The following SIPA1L1 variants were observed in gnomAD, a reference collection of about 807,000 sequenced individuals.
SIPA1L1 encodes signal-induced proliferation-associated 1-like protein 1.
A neutral mutation model predicts 162.7 loss-of-function variants in SIPA1L1; 26 were observed. The ratio of observed to expected loss-of-function variants is 0.16; its 90% CI spans 0.12 to 0.22. The LOEUF (loss-of-function observed/expected upper bound fraction) is 0.22. SIPA1L1 is among the 10% of genes least tolerant of loss of function. The probability of loss-of-function intolerance (pLI) is 1.00; values close to 1 mark genes in which losing one functional copy is unlikely to be tolerated. For synonymous variants in SIPA1L1, 829 were observed against 837.4 expected (o/e 0.99, Z 0.17); for missense variants, 1,874 against 2,241.0 (o/e 0.84, Z 3.31).
chr14:71,446,995 T>C (rs2045452711), intron 2 of SIPA1L1, among the ~76,000 whole-genome samples: 1 of 135,032 alleles, frequency 7.4e-6, no homozygotes. Flanking sequence ...CACTGCAACC[T>C]TGACCTCCCA....
At chr14:71,488,636 T>A (rs975742325) in intron 2 of SIPA1L1, among the ~76,000 whole-genome samples, 1 of 152,256 alleles carries the variant, frequency 6.6e-6, no homozygotes, top group African/African-American at 2.4e-5. Flanking sequence ...GGTTTTCCTT[T>A]ATTTTCCTGT....
rs1477114286 is a variant in SIPA1L1 at position 71,587,618 on chromosome 14, C to T, written c.-255C>T. ...CCACAGAATCTCAGTAGTACAAGTT[C>T]CATTCAGTTTTTTCTGAAAGAAAGC... On this transcript the variant is annotated 5_prime_UTR_variant, in exon 5 of 24. Transcript: ENST00000381232. The T allele has an allele frequency of 4.3e-6, 2 of 463,460 alleles. No individual in the cohort carries two copies. The highest frequency in any genetic ancestry group is 3.1e-5 in the East Asian group (1 of 32,112). 28.7% of individuals were successfully genotyped at this position (463,460 alleles called of 1,614,324 possible).
At chr14:71,718,667 T>C (rs1021232475) in intron 17 of SIPA1L1, among the ~76,000 whole-genome samples, 1 of 152,232 alleles carries the variant, frequency 6.6e-6, no homozygotes, top group Middle Eastern at 3.4e-3. Context: ...AAAACAAAAA[T>C]TAAGAAAATA....
At chr14:71,447,799 G>C (rs2045524224) in intron 2 of SIPA1L1, among the ~76,000 whole-genome samples, 1 of 151,932 alleles carries the variant, frequency 6.6e-6, no homozygotes, top group Non-Finnish European at 1.5e-5. Flanking sequence ...GAACTCCTGA[G>C]CTCTGGCAAT....
intron 10 of SIPA1L1, 54 bp from the exon 11 acceptor site, chr14:71,671,065 A>T (rs1048313392): frequency 1.6e-5 from 22 of 1,356,898 alleles, no homozygotes; most frequent in Non-Finnish European, 1.9e-5. Flanking sequence ...TTTTATTCTG[A>T]TGTTGTGAGA....
At chr14:71,650,563 T>C (rs2042534580) in intron 8 of SIPA1L1, 54 bp downstream of exon 8, 3 of 1,524,772 alleles carry the variant, frequency 2.0e-6, no homozygotes, top group South Asian at 1.1e-5. Context: ...GTTGTGCTGT[T>C]GTGCATCTGC....
chr14:71,701,890 AAAGCAAGTACTCAGAAAATACTTGTTCC>A (rs1413517864), intron 14 of SIPA1L1, among the ~76,000 whole-genome samples: 3 of 152,344 alleles, frequency 2.0e-5, no homozygotes, highest in African/African-American at 7.2e-5. Context: ...TTCAGACCAC[AAAGCAAGTACTCAGAAAATACTTGTTCC>A]AAGAACCACT....
Position 71,736,717 on chromosome 14 carries a change from G to A in SIPA1L1, c.5123+1326G>A, listed in dbSNP as rs76481942. Among the ~76,000 whole-genome samples, 414 of 152,280 alleles carry A rather than the reference G, an allele frequency of 2.7e-3. 2 individuals are homozygous for A. Among genetic ancestry groups the A allele is most frequent in the African/African-American group, 9.5e-3 (393 of 41,568 alleles). On this transcript the variant is annotated intron_variant, in intron 22 of 23. Coordinates refer to ENST00000381232, the MANE Select transcript of SIPA1L1 (RefSeq NM_001386936.1). Reference sequence around the variant, plus strand: ...CAGAAGCAAGCCCCAAATGTGCCTCGTTAGGAAGGAGCCTCCAACAGAGAG... The same window carrying A: ...CAGAAGCAAGCCCCAAATGTGCCTCATTAGGAAGGAGCCTCCAACAGAGAG...
intron 4 of SIPA1L1, chr14:71,573,534 C>T (rs1385028470): frequency 2.6e-5 from 12 of 456,490 alleles, no homozygotes; most frequent in Non-Finnish European, 4.8e-5. Context: ...TGGATGTCTA[C>T]AGCTGCACAA....
At chr14:71,699,859 A>T (rs1452337738) in intron 14 of SIPA1L1, among the ~76,000 whole-genome samples, 1 of 152,264 alleles carries the variant, frequency 6.6e-6, no homozygotes, top group African/African-American at 2.4e-5. Context: ...CATGAGGCAG[A>T]GTCCTTGATC....
At chr14:71,393,673 C>G (rs1277073072) in intron 2 of SIPA1L1, among the ~76,000 whole-genome samples, 1 of 152,064 alleles carries the variant, frequency 6.6e-6, no homozygotes, top group Non-Finnish European at 1.5e-5. Flanking sequence ...AAAAAAACTT[C>G]AGCTGGGATT....
chr14:71,357,101 G>A (rs1424017090), intron 2 of SIPA1L1, among the ~76,000 whole-genome samples: 1 of 151,998 alleles, frequency 6.6e-6, no homozygotes, highest in Admixed American at 6.6e-5. Flanking sequence ...GTCTCCTAGG[G>A]GGAAGTGCAG....
chr14:71,438,053 C>T (rs777035268), intron 2 of SIPA1L1, among the ~76,000 whole-genome samples: 104 of 152,256 alleles, frequency 6.8e-4, no homozygotes, highest in Middle Eastern at 3.4e-3. Context: ...CCATTAAATT[C>T]TGTTAAAGAA....
chr14:71,674,008 C>G (rs574332097), intron 12 of SIPA1L1, among the ~76,000 whole-genome samples: 4 of 152,202 alleles, frequency 2.6e-5, no homozygotes, highest in Non-Finnish European at 5.9e-5. Context: ...TGCTGCATTC[C>G]TTGTCTTGTC....
chr14:71,567,328 T>C (rs915890761), intron 4 of SIPA1L1, among the ~76,000 whole-genome samples: 1 of 152,212 alleles, frequency 6.6e-6, no homozygotes, highest in Admixed American at 6.5e-5. Flanking sequence ...TCATTGTTTT[T>C]AATAGCAAAA....
intron 4 of SIPA1L1, among the ~76,000 whole-genome samples, chr14:71,583,978 T>A (rs567795920): frequency 1.3e-5 from 2 of 152,206 alleles, no homozygotes; most frequent in African/African-American, 4.8e-5. Context: ...AACACTCTGC[T>A]TTCCACAGTG....
intron 2 of SIPA1L1, among the ~76,000 whole-genome samples, chr14:71,493,859 G>A (rs780778781): frequency 5.1e-4 from 77 of 152,176 alleles, no homozygotes; most frequent in Non-Finnish European, 2.9e-4. Flanking sequence ...GATAGATTCA[G>A]CATTTTGTTT....
Position 71,452,115 on chromosome 14 carries a change from G to A in SIPA1L1, c.-464-60628G>A, listed in dbSNP as rs1038859215. On this transcript the variant is annotated intron_variant, in intron 2 of 23. Coordinates refer to ENST00000381232, the MANE Select transcript of SIPA1L1 (RefSeq NM_001386936.1). Reference sequence around the variant, plus strand: ...AAGTTTTCACAAACTTAACACAAGTGTATAACCAGCATCACAATTAAAAAT... The same window carrying A: ...AAGTTTTCACAAACTTAACACAAGTATATAACCAGCATCACAATTAAAAAT... Among the ~76,000 whole-genome samples the A allele has an allele frequency of 1.4e-4, 21 of 152,090 alleles. 1 individual carries two copies. Among genetic ancestry groups the A allele is most frequent in the Non-Finnish European group, 4.4e-5 (3 of 68,024 alleles).
intron 2 of SIPA1L1, among the ~76,000 whole-genome samples, chr14:71,439,074 T>C (rs1464002176): frequency 6.6e-6 from 1 of 152,120 alleles, no homozygotes; most frequent in African/African-American, 2.4e-5. Flanking sequence ...TGTGGTACCC[T>C]GAGGAGGAGT....
Sources: allele counts gnomAD v4.1 joint callset (sites outside exome capture counted in the v4.1 genomes callset), GRCh38; gene constraint gnomAD v4.1.1; transcripts MANE v1.5; gene names NCBI Gene and HGNC (gene_info 2026-07-23, HGNC 2026-07-21).